The following SOX5 variants were observed in gnomAD, a reference collection of about 807,000 sequenced individuals.
SOX5 encodes the protein SRY-box transcription factor 5.
In SOX5, 9 loss-of-function variants were observed where a neutral mutation model predicts 92.0. The ratio of observed to expected loss-of-function variants is 0.10; its 90% CI spans 0.06 to 0.17. The LOEUF (loss-of-function observed/expected upper bound fraction) is 0.17. SOX5 is among the 10% of genes least tolerant of loss of function. The pLI is 1.00. For missense variants in SOX5, 642 were observed against 944.5 expected, an observed-to-expected ratio of 0.68 and a Z score of 4.20; for synonymous variants, 344 against 336.3, an observed-to-expected ratio of 1.02 and a Z score of -0.25.
At chr12:23,964,810 C>T (rs1947349955) in intron 4 of SOX5, among the ~76,000 whole-genome samples, 1 of 152,204 alleles carries the variant, frequency 6.6e-6, no homozygotes, top group Non-Finnish European at 1.5e-5. Flanking sequence ...TCTGATTATA[C>T]AATTAAAAGT....
At chr12:23,752,452 T>G (rs1370060957) in intron 4 of SOX5, among the ~76,000 whole-genome samples, 2 of 151,868 alleles carry the variant, frequency 1.3e-5, no homozygotes, top group Non-Finnish European at 2.9e-5. Context: ...AAAATACAAA[T>G]TTTGCAATTA....
intron 3 of SOX5, among the ~76,000 whole-genome samples, chr12:24,269,022 C>G (rs946241961): frequency 1.3e-5 from 2 of 152,156 alleles, no homozygotes; most frequent in Non-Finnish European, 2.9e-5. Context: ...TCTCAAAGGC[C>G]AGTGAACCCT....
At chr12:23,691,517 T>C (rs1451506513) in intron 6 of SOX5, among the ~76,000 whole-genome samples, 1 of 152,194 alleles carries the variant, frequency 6.6e-6, no homozygotes, top group Non-Finnish European at 1.5e-5. Flanking sequence ...AGTGTTTCTT[T>C]GTGGGAAGAT....
rs189182588 is a variant in SOX5 at position 23,546,193 on chromosome 12, T to A, written c.1597+123A>T. 4.4e-5 allele frequency: 28 copies of A among 631,750 alleles called. No homozygotes were observed. In the African/African-American group the frequency reaches 4.6e-4, roughly 10 times the overall value. The allele number at this position is 631,750 out of a possible 1,614,324, so 39.1% of individuals were successfully genotyped here. A position where few individuals can be genotyped will look rare whatever the true frequency, so the allele number is the denominator to read the frequency against. ...GCACATGGGGACTGCTCAGTATATG[T>A]GACCTCTTATTGTAATGATGAGGTA... is the stretch of plus-strand genomic sequence containing the variant. On this transcript the variant is annotated intron_variant, in intron 12 of 14. Coordinates refer to ENST00000451604, the MANE Select transcript of SOX5 (RefSeq NM_006940.6).
chr12:23,702,930 CTTA>C, intron 6 of SOX5, among the ~76,000 whole-genome samples: 1 of 152,138 alleles, frequency 6.6e-6, no homozygotes, highest in East Asian at 1.9e-4. Flanking sequence ...CCAAAACCTT[CTTA>C]TTATAATCTG....
At chr12:23,701,893 C>T (rs910780197) in intron 6 of SOX5, among the ~76,000 whole-genome samples, 3 of 152,014 alleles carry the variant, frequency 2.0e-5, no homozygotes, top group African/African-American at 4.8e-5. Flanking sequence ...TTCTTTACCT[C>T]CAAAGATATA....
chr12:23,541,115 T>C (rs1023015575), intron 13 of SOX5, among the ~76,000 whole-genome samples: 1 of 152,178 alleles, frequency 6.6e-6, no homozygotes, highest in African/African-American at 2.4e-5. Context: ...TTGTCTATTA[T>C]AATATAATCA....
intron 1 of SOX5, among the ~76,000 whole-genome samples, chr12:23,928,044 C>A (rs1397026706): frequency 6.6e-6 from 1 of 152,036 alleles, no homozygotes; most frequent in Non-Finnish European, 1.5e-5. Flanking sequence ...GATTAACAGT[C>A]ATGGAGCTCC....
At chr12:23,947,043 A>T (rs1382568296) in intron 1 of SOX5, among the ~76,000 whole-genome samples, 7 of 151,946 alleles carry the variant, frequency 4.6e-5, no homozygotes, top group Admixed American at 2.6e-4. Flanking sequence ...TGATCCTGAT[A>T]TTTAAGTTCT....
intron 7 of SOX5, among the ~76,000 whole-genome samples, chr12:23,652,407 TC>T (rs2081701157): frequency 6.6e-6 from 1 of 151,968 alleles, no homozygotes; most frequent in East Asian, 1.9e-4. Flanking sequence ...ACTTGGTTCT[TC>T]TCCTTCTATT....
Position 23,690,346 on chromosome 12 carries a change from CACATAGAAAG to C in SOX5, c.811-24792_811-24783del, listed in dbSNP as rs199553951. 9.1e-3 allele frequency among the ~76,000 whole-genome samples: 1,388 copies of C among 152,272 alleles called. 18 individuals are homozygous for C. The highest frequency in any genetic ancestry group is 0.03 in the African/African-American group (1,267 of 41,558). On this transcript the variant is annotated intron_variant, in intron 6 of 14. Transcript: ENST00000451604. Reference sequence around the variant, plus strand: ...TCTATTCCTTCACCTTTCCATGTAACACATAGAAAGACATATTCATTTATTCACACAATAG... The same window carrying C: ...TCTATTCCTTCACCTTTCCATGTAACACATATTCATTTATTCACACAATAG...
At chr12:23,615,615 C>T (rs2076461807) in intron 8 of SOX5, among the ~76,000 whole-genome samples, 1 of 152,130 alleles carries the variant, frequency 6.6e-6, no homozygotes, top group Non-Finnish European at 1.5e-5. Context: ...GTTTTCTCTT[C>T]CTGTGCTAGT....
chr12:23,882,665 A>G (rs2097009100), intron 2 of SOX5, among the ~76,000 whole-genome samples: 1 of 152,196 alleles, frequency 6.6e-6, no homozygotes, highest in Non-Finnish European at 1.5e-5. Flanking sequence ...GGGAGTTCAT[A>G]CTAACTGAAA....
At chr12:24,005,881 G>A (rs950571850) in intron 4 of SOX5, among the ~76,000 whole-genome samples, 8 of 152,002 alleles carry the variant, frequency 5.3e-5, no homozygotes, top group East Asian at 1.9e-4. Flanking sequence ...TATATTTTCC[G>A]GGCTAGGAAA....
chr12:24,103,452 T>C (rs1946322281), intron 4 of SOX5, among the ~76,000 whole-genome samples: 1 of 152,084 alleles, frequency 6.6e-6, no homozygotes, highest in Non-Finnish European at 1.5e-5. Context: ...ACTCTTGGGT[T>C]CAAGTGATTC....
chr12:24,375,736 CAA>C (rs34949948), intron 1 of SOX5, among the ~76,000 whole-genome samples: 1,409 of 120,320 alleles, frequency 0.012, 14 homozygotes, highest in East Asian at 0.065. Flanking sequence ...AACTCTGTCT[CAA>C]AAAAAAAAAA....
At chr12:23,624,488 G>C (rs893854691) in intron 8 of SOX5, among the ~76,000 whole-genome samples, 3 of 152,190 alleles carry the variant, frequency 2.0e-5, no homozygotes, top group Non-Finnish European at 4.4e-5. Context: ...GTAATATAGA[G>C]AGAAAACCAA....
intron 4 of SOX5, among the ~76,000 whole-genome samples, chr12:24,107,542 A>T (rs1228073401): frequency 6.6e-6 from 1 of 152,228 alleles, no homozygotes; most frequent in Non-Finnish European, 1.5e-5. Flanking sequence ...TCTTGAAACA[A>T]ACAAACAAAC....
At chr12:23,902,138 A>G (rs759991730) in intron 1 of SOX5, among the ~76,000 whole-genome samples, 25 of 152,272 alleles carry the variant, frequency 1.6e-4, no homozygotes, top group Admixed American at 9.8e-4. Context: ...GCTATCACCT[A>G]CTTACTGCTA....
Sources: gnomAD v4.1 joint callset for allele counts (sites outside exome capture counted in the v4.1 genomes callset) on GRCh38, gnomAD v4.1.1 for gene constraint, MANE v1.5 for transcripts, NCBI Gene and HGNC (gene_info 2026-07-23, HGNC 2026-07-21) for gene names.